Variants in LRMDA observed in about 807,000 individuals in gnomAD.
The protein encoded by LRMDA is leucine-rich melanocyte differentiation-associated protein.
Under a neutral mutation model 29.8 loss-of-function variants are expected in LRMDA, and 18 were observed. The ratio of observed to expected loss-of-function variants is 0.60; its 90% CI spans 0.42 to 0.90. The LOEUF (loss-of-function observed/expected upper bound fraction) is 0.90. Among genes scored for constraint, LRMDA ranks in the 40% least tolerant of loss-of-function variants. The probability of loss-of-function intolerance (pLI) is 0.00; values close to 1 mark genes in which losing one functional copy is unlikely to be tolerated. For synonymous variants in LRMDA, 125 were observed against 109.4 expected (o/e 1.14, Z -0.89); for missense variants, 273 against 273.9 (o/e 1.00, Z 0.02).
chr10:76,096,647 A>C (rs1031511365), intron 5 of LRMDA, among the ~76,000 whole-genome samples: 4 of 152,108 alleles, frequency 2.6e-5, no homozygotes, highest in Non-Finnish European at 5.9e-5. Context: ...TTCTATAAAA[A>C]ATTTTGCTGG....
At chr10:76,477,591 C>A (rs2132323162) in intron 6 of LRMDA, among the ~76,000 whole-genome samples, 1 of 152,214 alleles carries the variant, frequency 6.6e-6, no homozygotes, top group South Asian at 2.1e-4. Flanking sequence ...CCCGCATCGC[C>A]AAGGCAATCC....
intron 1 of LRMDA, among the ~76,000 whole-genome samples, chr10:75,432,255 A>G (rs1032765730): frequency 6.6e-6 from 1 of 152,262 alleles, no homozygotes; most frequent in Non-Finnish European, 1.5e-5. Flanking sequence ...CCAAAGTCCC[A>G]GCACATCCCT....
rs545854418 is a variant in LRMDA, at chr10:76,518,435, G to T, written c.602-38774G>T. Among the ~76,000 whole-genome samples, 3 of 151,984 alleles carry T rather than the reference G, an allele frequency of 2.0e-5. No homozygotes were observed. The South Asian group carries it at 6.2e-4, about 32-fold the overall frequency. The stretch of plus-strand genomic sequence containing the variant: ...GACCTCATGTAATGATAGACCTTTC[G>T]ATTCACCAAAAAGATTTTTTAAAAT... On this transcript the variant is annotated intron_variant, in intron 6 of 6. Transcript: ENST00000611255.
At chr10:75,431,815 G>C in intron 1 of LRMDA, 61 bp downstream of exon 1, 1 of 1,282,760 alleles carries the variant, frequency 7.8e-7, no homozygotes, top group Non-Finnish European at 9.9e-7. Context: ...GGGACAGCGG[G>C]GCACAGAGGC....
intron 2 of LRMDA, among the ~76,000 whole-genome samples, chr10:75,682,003 C>T (rs889052389): frequency 1.3e-5 from 2 of 152,222 alleles, no homozygotes; most frequent in South Asian, 2.1e-4. Flanking sequence ...CTATCACCAC[C>T]TTCCTTTAGG....
intron 6 of LRMDA, among the ~76,000 whole-genome samples, chr10:76,385,646 T>C (rs1413115685): frequency 1.3e-5 from 2 of 152,230 alleles, no homozygotes; most frequent in Non-Finnish European, 2.9e-5. Flanking sequence ...ATGCTCTACA[T>C]TTCTGGAAGT....
intron 5 of LRMDA, among the ~76,000 whole-genome samples, chr10:76,202,989 C>T (rs894306156): frequency 6.6e-6 from 1 of 152,154 alleles, no homozygotes; most frequent in African/African-American, 2.4e-5. Flanking sequence ...TCTCTATTTT[C>T]CTGCCATTGA....
At chr10:75,469,877 G>C (rs571822111) in intron 2 of LRMDA, among the ~76,000 whole-genome samples, 3 of 152,308 alleles carry the variant, frequency 2.0e-5, no homozygotes, top group South Asian at 4.1e-4. Flanking sequence ...GCAGAGCTTG[G>C]TGTTGGTCTC....
At chr10:75,495,042 G>A (rs946673540) in intron 2 of LRMDA, among the ~76,000 whole-genome samples, 2 of 152,302 alleles carry the variant, frequency 1.3e-5, no homozygotes, top group Non-Finnish European at 1.5e-5. Flanking sequence ...TTATGTAGCC[G>A]TCCAGATGTA....
At position 76,173,057 on chromosome 10, in the gene LRMDA, A is replaced by AT. The variant is rs566567684; in HGVS notation, c.516+114275dup. 3.9e-3 allele frequency among the ~76,000 whole-genome samples: 488 copies of AT among 126,620 alleles called. 7 individuals are homozygous for AT. The East Asian group carries it at 0.067, about 17-fold the overall frequency. 83.1% of individuals were successfully genotyped at this position (126,620 alleles called of 152,430 possible). The stretch of plus-strand genomic sequence containing the variant: ...AGGAAAGCATGAAAGTGTTAAGAAG[A>AT]TAAAAAAAAAGATAATGAGCATCAG... On this transcript the variant is annotated intron_variant, in intron 5 of 6. Transcript: ENST00000611255.
intron 2 of LRMDA, among the ~76,000 whole-genome samples, chr10:75,649,086 A>C (rs1841565462): frequency 1.3e-5 from 2 of 152,186 alleles, no homozygotes. Context: ...TGTAAAGCTG[A>C]AACCCATTAA....
chr10:76,484,196 C>T (rs1842759762), intron 6 of LRMDA, among the ~76,000 whole-genome samples: 1 of 151,416 alleles, frequency 6.6e-6, no homozygotes, highest in South Asian at 2.1e-4. Flanking sequence ...TTCTCTTTCT[C>T]TTTTTCTCCT....
At chr10:75,441,082 A>G (rs1844321898) in intron 2 of LRMDA, among the ~76,000 whole-genome samples, 1 of 150,636 alleles carries the variant, frequency 6.6e-6, no homozygotes, top group South Asian at 2.1e-4. Context: ...GGAGAGGGGG[A>G]AAATAGGGAG....
chr10:76,147,499 C>T (rs1413857854), intron 5 of LRMDA, among the ~76,000 whole-genome samples: 5 of 152,122 alleles, frequency 3.3e-5, no homozygotes, highest in Non-Finnish European at 7.3e-5. Context: ...CTTCTGCATT[C>T]GTCACGTAGC....
intron 6 of LRMDA, among the ~76,000 whole-genome samples, chr10:76,547,307 G>A (rs1047462623): frequency 4.4e-4 from 67 of 152,212 alleles, no homozygotes; most frequent in African/African-American, 1.5e-3. Context: ...TGATGGTAAA[G>A]AAATTCAGTC....
chr10:75,901,293 C>T (rs1845668194), intron 2 of LRMDA, among the ~76,000 whole-genome samples: 1 of 151,426 alleles, frequency 6.6e-6, no homozygotes, highest in African/African-American at 2.4e-5. Context: ...AGATTTCACT[C>T]ATGCCTTAAT....
intron 6 of LRMDA, among the ~76,000 whole-genome samples, chr10:76,414,960 C>T (rs918686083): frequency 5.9e-5 from 9 of 152,370 alleles, no homozygotes; most frequent in South Asian, 4.1e-4. Flanking sequence ...GAGAGCGAGG[C>T]TTCATAAGCA....
intron 2 of LRMDA, among the ~76,000 whole-genome samples, chr10:75,689,007 A>G (rs1004183079): frequency 6.6e-6 from 1 of 151,984 alleles, no homozygotes; most frequent in African/African-American, 2.4e-5. Flanking sequence ...TTACAGTAAC[A>G]TAACTTTTAT....
intron 2 of LRMDA, among the ~76,000 whole-genome samples, chr10:75,580,490 A>C (rs1840573799): frequency 1.3e-5 from 2 of 152,170 alleles, no homozygotes; most frequent in South Asian, 4.1e-4. Context: ...TGGCCATACC[A>C]CCCAAAGTAA....
Sources: allele counts gnomAD v4.1 joint callset (sites outside exome capture counted in the v4.1 genomes callset), GRCh38; gene constraint gnomAD v4.1.1; transcripts MANE v1.5; gene names NCBI Gene and HGNC (gene_info 2026-07-23, HGNC 2026-07-21).